HTR6: variants seen among roughly 807,000 people sequenced by gnomAD.
HTR6 encodes 5-hydroxytryptamine (serotonin) receptor 6, G protein-coupled.
HTR6 carries 15 observed loss-of-function variants against 17.4 expected under a neutral mutation model. That is an observed-to-expected ratio of 0.86 (90% CI 0.58 to 1.33). The LOEUF (loss-of-function observed/expected upper bound fraction) is 1.33. HTR6 is among the 40% of genes most tolerant of loss of function. The pLI, the probability that HTR6 is intolerant of heterozygous loss-of-function variation, is 0.00. For missense variants in HTR6, 578 were observed against 616.0 expected, an observed-to-expected ratio of 0.94 and a Z score of 0.65; for synonymous variants, 326 against 295.5, an observed-to-expected ratio of 1.10 and a Z score of -1.06.
chr1:19,679,329 C>G lies in HTR6; in HGVS notation c.1284C>G (p.Pro428=), dbSNP rs8192534. The G allele has an allele frequency of 5.0e-6, 8 of 1,601,386 alleles. No individual in the cohort carries two copies. The highest frequency in any genetic ancestry group is 4.4e-5 in the South Asian group (4 of 90,304). Residue 428 remains proline (P), a synonymous_variant, in exon 3 of 3, where the codon CCC becomes CCG. Coordinates refer to ENST00000289753, the MANE Select transcript of HTR6 (RefSeq NM_000871.3). This position sits in a 1 kb window ranked among gnomAD's most constrained non-coding sequence, Gnocchi z 4.9. ...TCTTCAACATCGACCCCGCGGAGCCCGAGCTGCGGCCGCATCCACTTGGCA... is the reference window on the plus strand; with the variant it reads ...TCTTCAACATCGACCCCGCGGAGCCGGAGCTGCGGCCGCATCCACTTGGCA... ...VNFFNIDPAE[P]ELRPHPLGIP...
chr1:19,671,729 G>A (rs974996991), intron 1 of HTR6, among the ~76,000 whole-genome samples: 1 of 152,194 alleles, frequency 6.6e-6, no homozygotes, highest in African/African-American at 2.4e-5. Context: ...CATAGGTCTC[G>A]AGGCCCCAGT....
chr1:19,666,463 T>G lies in HTR6; in HGVS notation c.710T>G (p.Leu237Arg). Residue 237 changes from leucine to arginine, a missense_variant, in exon 1 of 3, where the codon CTG becomes CGG. Physicochemically the swap from Leu to Arg is moderately radical, Grantham distance 102. Transcript: ENST00000289753. The surrounding 1 kb of genome is among the most constrained non-coding windows in gnomAD (Gnocchi z 4.5). Reference sequence around the variant, plus strand: ...ATGGCCAGTCAGGCCTCGGAGACGCTGCAGGTACCTGGGGTGCGCAGGGAG... The same window carrying G: ...ATGGCCAGTCAGGCCTCGGAGACGCGGCAGGTACCTGGGGTGCGCAGGGAG... ...TGMASQASET[L>R]QVPRTPRPGV... is the part of the protein sequence containing the mutation. 6.2e-7 allele frequency: 1 copy of G among 1,604,308 alleles called. No individual in the cohort carries two copies. Among genetic ancestry groups the G allele is most frequent in the Admixed American group, 1.7e-5 (1 of 59,410 alleles).
intron 1 of HTR6, among the ~76,000 whole-genome samples, chr1:19,674,527 C>T (rs2095091993): frequency 6.6e-6 from 1 of 151,898 alleles, no homozygotes; most frequent in Non-Finnish European, 1.5e-5. Flanking sequence ...CTGCCTCAGC[C>T]TCCTGAGTAG....
At position 19,679,154 on chromosome 1, in the gene HTR6, T is replaced by G. The variant is rs1302552813; in HGVS notation, c.1109T>G (p.Leu370Arg). 1 of 1,603,662 alleles carries G rather than the reference T, an allele frequency of 6.2e-7. No individual in the cohort carries two copies. The highest frequency in any genetic ancestry group is 8.5e-7 in the Non-Finnish European group (1 of 1,176,998). The change falls in exon 3 of 3, where the codon CTG (leucine) becomes CGG (arginine). Residue 370 changes from leucine to arginine, a missense_variant. Leu to Arg is a moderately radical substitution (Grantham distance 102). Coordinates refer to ENST00000289753, the MANE Select transcript of HTR6 (RefSeq NM_000871.3). The surrounding 1 kb of genome is among the most constrained non-coding windows in gnomAD (Gnocchi z 4.9). ...PRPGLSLQQV[L>R]PLPLPPDSDS... is the part of the protein sequence containing the mutation. The stretch of plus-strand genomic sequence containing the variant: ...CCCGGCCTTAGCCTACAGCAGGTGC[T>G]GCCGCTGCCCCTGCCGCCGGACTCA...
intron 1 of HTR6, among the ~76,000 whole-genome samples, chr1:19,670,073 T>A (rs2095086304): frequency 6.6e-6 from 1 of 152,144 alleles, no homozygotes; most frequent in Non-Finnish European, 1.5e-5. Flanking sequence ...CCTCTGACCC[T>A]ATCTGGCCTC....
chr1:19,668,639 G>A (rs2100468855), intron 1 of HTR6, among the ~76,000 whole-genome samples: 1 of 152,164 alleles, frequency 6.6e-6, no homozygotes, highest in Admixed American at 6.5e-5. Flanking sequence ...TCACTATATT[G>A]CCCAGGCTGG....
chr1:19,679,258 A>G lies in HTR6; in HGVS notation c.1213A>G (p.Thr405Ala), dbSNP rs761789698. Residue 405 changes from threonine to alanine, a missense_variant, in exon 3 of 3, where the codon ACC becomes GCC. Transcript: ENST00000289753. This position sits in a 1 kb window ranked among gnomAD's most constrained non-coding sequence, Gnocchi z 4.9. ...TAQLLLPGEATQDPPLPTRAA... is the reference protein window; with the variant it reads ...TAQLLLPGEAAQDPPLPTRAA... The stretch of plus-strand genomic sequence containing the variant: ...CCAGCTGCTGCTTCCTGGCGAGGCC[A>G]CCCAGGACCCCCCGCTGCCCACCAG... 6.3e-7 allele frequency: 1 copy of G among 1,597,960 alleles called. No homozygotes were observed. The highest frequency in any genetic ancestry group is 2.3e-5 in the East Asian group (1 of 43,988).
intron 1 of HTR6, among the ~76,000 whole-genome samples, chr1:19,675,884 G>A (rs538583656): frequency 4.0e-4 from 61 of 152,208 alleles, no homozygotes; most frequent in Non-Finnish European, 7.5e-4. Flanking sequence ...CACTCTGGAG[G>A]AGAGAAAACT....
Position 19,680,012 on chromosome 1 carries a change from G to C in HTR6, c.*644G>C, listed in dbSNP as rs761844666. On this transcript the variant is annotated 3_prime_UTR_variant, in exon 3 of 3. Transcript: ENST00000289753. Reference sequence around the variant, plus strand: ...CCTCCCTGGTATATATGTGGCAGCAGCTGCACCTGGGAGGCAGGCAGGCAT... The same window carrying C: ...CCTCCCTGGTATATATGTGGCAGCACCTGCACCTGGGAGGCAGGCAGGCAT... Among the ~76,000 whole-genome samples the C allele has an allele frequency of 9.8e-5, 15 of 152,324 alleles. No individual in the cohort carries two copies. The highest frequency in any genetic ancestry group is 2.1e-4 in the Non-Finnish European group (14 of 68,020).
In HTR6 at chr1:19,665,952, T is replaced by C. The variant is rs780324617; in HGVS notation, c.199T>C (p.Ser67Pro). 5 of 1,613,880 alleles carry C rather than the reference T, an allele frequency of 3.1e-6. No individual in the cohort carries two copies. The Admixed American group carries it at 8.3e-5, about 27-fold the overall frequency. Residue 67 changes from serine to proline, a missense_variant, in exon 1 of 3, where the codon TCG becomes CCG. Ser to Pro is a moderately conservative substitution (Grantham distance 74). Transcript: ENST00000289753. The surrounding 1 kb of genome is among the most constrained non-coding windows in gnomAD (Gnocchi z 4.2). ...LRNTSNFFLV[S>P]LFTSDLMVGL... ...CAACACGTCCAACTTCTTCCTGGTG[T>C]CGCTCTTCACGTCTGACCTGATGGT... is the stretch of plus-strand genomic sequence containing the variant.
At position 19,680,514 on chromosome 1, in the gene HTR6, C is replaced by T. The variant is rs1024670862; in HGVS notation, c.*1146C>T. On this transcript the variant is annotated 3_prime_UTR_variant, in exon 3 of 3. Transcript: ENST00000289753. ...CTGGTTTTCCTCAATCCTGGGGGGT[C>T]CTTGGACCTAGAAGGGAACAACTGA... 2.6e-5 allele frequency among the ~76,000 whole-genome samples: 4 copies of T among 152,224 alleles called. No homozygotes were observed. The highest frequency in any genetic ancestry group is 5.9e-5 in the Non-Finnish European group (4 of 68,042).
In HTR6 at chr1:19,666,844, G is replaced by A. The variant is rs756871570; in HGVS notation, c.714+377G>A. 3.9e-5 allele frequency among the ~76,000 whole-genome samples: 6 copies of A among 152,110 alleles called. No individual in the cohort carries two copies. Among genetic ancestry groups the A allele is most frequent in the East Asian group, 3.9e-4 (2 of 5,154 alleles). Reference sequence around the variant, plus strand: ...CCATTCATTAGCGAGACCTGTTGGCGCTGCTCTAAACAGGTGCCATCTCCC... The same window carrying A: ...CCATTCATTAGCGAGACCTGTTGGCACTGCTCTAAACAGGTGCCATCTCCC... On this transcript the variant is annotated intron_variant, in intron 1 of 2. Transcript: ENST00000289753. This position sits in a 1 kb window ranked among gnomAD's most constrained non-coding sequence, Gnocchi z 4.5.
In HTR6 at chr1:19,666,036, G is replaced by A; in HGVS notation, c.283G>A (p.Ala95Thr). Residue 95 changes from alanine to threonine, a missense_variant, in exon 1 of 3, where the codon GCG (alanine) becomes ACG (threonine). Physicochemically the swap from Ala to Thr is moderately conservative, Grantham distance 58. Coordinates refer to ENST00000289753, the MANE Select transcript of HTR6 (RefSeq NM_000871.3). The surrounding 1 kb of genome is among the most constrained non-coding windows in gnomAD (Gnocchi z 4.5). The stretch of plus-strand genomic sequence containing the variant: ...CGCGCTGTACGGGCGCTGGGTGCTG[G>A]CGCGCGGCCTCTGCCTGCTCTGGAC... ...LNALYGRWVL[A>T]RGLCLLWTAF... 1 of 1,613,572 alleles carries A rather than the reference G, an allele frequency of 6.2e-7. No individual in the cohort carries two copies.
chr1:19,669,693 C>T (rs1236833017), intron 1 of HTR6, among the ~76,000 whole-genome samples: 2 of 152,238 alleles, frequency 1.3e-5, no homozygotes, highest in Non-Finnish European at 2.9e-5. Context: ...CCTTTTTCCA[C>T]ATTTGCCCCG....
intron 1 of HTR6, among the ~76,000 whole-genome samples, chr1:19,667,460 G>A (rs2095082974): frequency 6.6e-6 from 1 of 151,926 alleles, no homozygotes; most frequent in African/African-American, 2.4e-5. Flanking sequence ...CTGTTGCCCA[G>A]GCTGGAGGGC....
Position 19,679,562 on chromosome 1 carries a change from A to G in HTR6, c.*194A>G. ...CCTGCAGGGATCATAGCTGACTCAG[A>G]TATCGTGTTCTGAAGGATGCTCCAC... On this transcript the variant is annotated 3_prime_UTR_variant, in exon 3 of 3. Transcript: ENST00000289753. The surrounding 1 kb of genome is among the most constrained non-coding windows in gnomAD (Gnocchi z 4.9). 1 of 761,772 alleles carries G rather than the reference A, an allele frequency of 1.3e-6. No homozygotes were observed. The highest frequency in any genetic ancestry group is 2.0e-6 in the Non-Finnish European group (1 of 496,426). 47.2% of individuals were successfully genotyped at this position (761,772 alleles called of 1,614,324 possible). A position where few individuals can be genotyped will look rare whatever the true frequency, so the allele number is the denominator to read the frequency against.
rs1225590111 is a variant in HTR6 at position 19,680,588 on chromosome 1, G to A, written c.*1220G>A. Among the ~76,000 whole-genome samples, 1 of 152,236 alleles carries A rather than the reference G, an allele frequency of 6.6e-6. No homozygotes were observed. The highest frequency in any genetic ancestry group is 1.5e-5 in the Non-Finnish European group (1 of 68,042). ...CCACCTGCCTCTGGCCTTCCCTGGG[G>A]TCAGTGAGAGAAATGGGAATGGTAG... is the stretch of plus-strand genomic sequence containing the variant. On this transcript the variant is annotated 3_prime_UTR_variant, in exon 3 of 3. Transcript: ENST00000289753.
intron 1 of HTR6, among the ~76,000 whole-genome samples, chr1:19,669,671 G>A (rs947219530): frequency 1.3e-4 from 20 of 152,232 alleles, no homozygotes; most frequent in African/African-American, 3.1e-4. Context: ...CTCAGTCCTC[G>A]GAGCATCTCG....
rs185607142 is a variant in HTR6, at chr1:19,668,997, C to T, written c.714+2530C>T. Among the ~76,000 whole-genome samples the T allele has an allele frequency of 4.2e-4, 64 of 152,286 alleles. 1 individual carries two copies. The East Asian group carries it at 8.9e-3, about 21-fold the overall frequency. On this transcript the variant is annotated intron_variant, in intron 1 of 2. Transcript: ENST00000289753. ...GCATCAACGTGGGACTTTCTCTTGACGCACCTAGAAGAGCTGGAAGACAGC... is the reference window on the plus strand; with the variant it reads ...GCATCAACGTGGGACTTTCTCTTGATGCACCTAGAAGAGCTGGAAGACAGC...
Sources: gnomAD v4.1 joint callset for allele counts (sites outside exome capture counted in the v4.1 genomes callset) on GRCh38, gnomAD v4.1.1 for gene constraint, Gnocchi (gnomAD v3.1) non-coding constraint, MANE v1.5 for transcripts, NCBI Gene and HGNC (gene_info 2026-07-23, HGNC 2026-07-21) for gene names.